ATG7: variants seen among roughly 807,000 people sequenced by gnomAD.
ATG7 encodes ubiquitin-like modifier-activating enzyme ATG7.
In ATG7, 70 loss-of-function variants were observed where a neutral mutation model predicts 82.4. That is an observed-to-expected ratio of 0.85 (90% CI 0.70 to 1.04). ATG7 has a LOEUF of 1.04. Among genes scored for constraint, ATG7 ranks in the 50% least tolerant of loss-of-function variants. The pLI, the probability that ATG7 is intolerant of heterozygous loss-of-function variation, is 0.00. For missense variants in ATG7, 792 were observed against 864.3 expected (o/e 0.92, Z 1.05); for synonymous variants, 287 against 313.0 (o/e 0.92, Z 0.88).
intron 20 of ATG7, among the ~76,000 whole-genome samples, chr3:11,515,237 GTGTGT>G: frequency 6.6e-6 from 1 of 152,188 alleles, no homozygotes; most frequent in East Asian, 1.9e-4. Context: ...CCACTTTTCA[GTGTGT>G]TCATGTCTCA....
chr3:11,492,783 G>A (rs1442833965), intron 20 of ATG7, among the ~76,000 whole-genome samples: 1 of 152,248 alleles, frequency 6.6e-6, no homozygotes, highest in Non-Finnish European at 1.5e-5. Context: ...ACCCCTTGCG[G>A]GAGGGAGCAT....
chr3:11,321,984 G>A (rs1950275710), intron 9 of ATG7, among the ~76,000 whole-genome samples: 1 of 152,134 alleles, frequency 6.6e-6, no homozygotes, highest in African/African-American at 2.4e-5. Flanking sequence ...CCTGAGATTG[G>A]CAGGGTTGCC....
chr3:11,430,284 AT>A (rs2082751631), intron 20 of ATG7, among the ~76,000 whole-genome samples: 1 of 152,152 alleles, frequency 6.6e-6, no homozygotes. Flanking sequence ...ACTTTGAAAA[AT>A]GTGTGTATGC....
intron 20 of ATG7, among the ~76,000 whole-genome samples, chr3:11,522,253 A>T (rs1476689481): frequency 6.6e-6 from 1 of 152,174 alleles, no homozygotes; most frequent in Admixed American, 6.5e-5. Flanking sequence ...TGGAAGAGGT[A>T]AGTCACCACG....
intron 20 of ATG7, among the ~76,000 whole-genome samples, chr3:11,473,786 T>C (rs537461939): frequency 1.7e-4 from 26 of 152,346 alleles, no homozygotes; most frequent in African/African-American, 6.0e-4. Context: ...ATCAAGACTT[T>C]ATTTTTAAAT....
intron 19 of ATG7, among the ~76,000 whole-genome samples, chr3:11,392,752 A>G (rs1428441105): frequency 6.6e-6 from 1 of 152,142 alleles, no homozygotes; most frequent in African/African-American, 2.4e-5. Context: ...TTGATGCACC[A>G]CAATTGTTGC....
At chr3:11,450,800 C>A (rs776656519) in intron 20 of ATG7, among the ~76,000 whole-genome samples, 1 of 152,192 alleles carries the variant, frequency 6.6e-6, no homozygotes, top group Non-Finnish European at 1.5e-5. Context: ...TAGTTAAGAT[C>A]GTATTTTCTG....
downstream of ATG7, chr3:11,559,481 G>A: frequency 6.5e-7 from 1 of 1,533,592 alleles, no homozygotes; most frequent in Non-Finnish European, 8.8e-7. Context: ...GTGTCAGTAT[G>A]TGGAGACCAG....
At chr3:11,525,282 T>C (rs944970865) in intron 20 of ATG7, among the ~76,000 whole-genome samples, 2 of 151,282 alleles carry the variant, frequency 1.3e-5, no homozygotes, top group African/African-American at 4.9e-5. Context: ...CTACCCGCCT[T>C]GACCTCCCAA....
intron 19 of ATG7, among the ~76,000 whole-genome samples, chr3:11,397,572 C>T (rs1300151029): frequency 1.3e-5 from 2 of 151,894 alleles, no homozygotes; most frequent in Non-Finnish European, 2.9e-5. Flanking sequence ...ATTCTCCTGC[C>T]TCAGCCTCCG....
intron 20 of ATG7, among the ~76,000 whole-genome samples, chr3:11,512,609 T>C (rs1394887046): frequency 3.9e-5 from 6 of 152,210 alleles, no homozygotes; most frequent in Non-Finnish European, 8.8e-5. Context: ...GAGTTATTTG[T>C]TCCTCCTGGT....
At chr3:11,459,334 CAT>C (rs1181679497) in intron 20 of ATG7, among the ~76,000 whole-genome samples, 1 of 152,124 alleles carries the variant, frequency 6.6e-6, no homozygotes, top group African/African-American at 2.4e-5. Flanking sequence ...TCATCTCAGA[CAT>C]ATGTCTTGGC....
At chr3:11,564,681 C>T in the ATG7 span, 3 of 1,289,276 alleles carry the variant, frequency 2.3e-6, no homozygotes, top group Non-Finnish European at 3.2e-6. Flanking sequence ...CACCTCCCTC[C>T]CTCACCACCT....
chr3:11,437,374 C>G (rs1351059989), intron 20 of ATG7, among the ~76,000 whole-genome samples: 1 of 152,078 alleles, frequency 6.6e-6, no homozygotes, highest in Non-Finnish European at 1.5e-5. Context: ...GCCTACCAAC[C>G]AAATGCCTCC....
At chr3:11,499,003 T>C (rs2091099246) in intron 20 of ATG7, among the ~76,000 whole-genome samples, 1 of 152,218 alleles carries the variant, frequency 6.6e-6, no homozygotes, top group African/African-American at 2.4e-5. Context: ...TCTCAGGAAT[T>C]ACTCCACAGA....
chr3:11,469,412 G>A (rs2087174234), intron 20 of ATG7, among the ~76,000 whole-genome samples: 1 of 151,708 alleles, frequency 6.6e-6, no homozygotes, highest in African/African-American at 2.4e-5. Context: ...TCGTGCCACT[G>A]CACTCCGGCC....
chr3:11,572,940 G>A, the ATG7 span, among the ~76,000 whole-genome samples: 1 of 152,074 alleles, frequency 6.6e-6, no homozygotes, highest in African/African-American at 2.4e-5. Context: ...GGCCGAGACA[G>A]GTGGATCACC....
intron 19 of ATG7, among the ~76,000 whole-genome samples, chr3:11,400,762 C>T (rs939655878): frequency 7.2e-5 from 11 of 151,954 alleles, no homozygotes; most frequent in Admixed American, 4.6e-4. Context: ...AACTTGCCTG[C>T]GAAGCATGTT....
intron 20 of ATG7, among the ~76,000 whole-genome samples, chr3:11,480,201 G>A (rs2088772933): frequency 6.6e-6 from 1 of 151,998 alleles, no homozygotes; most frequent in African/African-American, 2.4e-5. Flanking sequence ...AAAGTGCTGG[G>A]ATTACAGGCA....
Sources: gnomAD v4.1 joint callset for allele counts (sites outside exome capture counted in the v4.1 genomes callset) on GRCh38, gnomAD v4.1.1 for gene constraint, MANE v1.5 for transcripts, NCBI Gene and HGNC (gene_info 2026-07-23, HGNC 2026-07-21) for gene names.